Variants in AKAP19 observed in about 807,000 individuals in gnomAD.
AKAP19 encodes the protein A-kinase anchoring protein 19.
chr2:190,104,068 C>T, the AKAP19 span, among the ~76,000 whole-genome samples: 4 of 151,956 alleles, frequency 2.6e-5, no homozygotes, highest in Non-Finnish European at 5.9e-5. Context: ...ACAAAGTTGA[C>T]GAAAATAAGC....
At chr2:190,015,343 G>A in the AKAP19 span, among the ~76,000 whole-genome samples, 5 of 152,284 alleles carry the variant, frequency 3.3e-5, no homozygotes, top group Non-Finnish European at 5.9e-5. Flanking sequence ...CCACATGTAA[G>A]CCACCAAGGT....
chr2:190,041,567 G>A, the AKAP19 span, among the ~76,000 whole-genome samples: 1 of 152,174 alleles, frequency 6.6e-6, no homozygotes, highest in African/African-American at 2.4e-5. Flanking sequence ...GAATAGGAGT[G>A]GTGAGAGAGG....
At chr2:189,939,499 T>A in the AKAP19 span, among the ~76,000 whole-genome samples, 1 of 152,014 alleles carries the variant, frequency 6.6e-6, no homozygotes, top group African/African-American at 2.4e-5. Flanking sequence ...AACACTGGCA[T>A]AAATAACCTT....
At chr2:189,931,677 G>A in the AKAP19 span, among the ~76,000 whole-genome samples, 2 of 151,910 alleles carry the variant, frequency 1.3e-5, no homozygotes, top group African/African-American at 4.8e-5. Flanking sequence ...AGCCCCAAAT[G>A]TGCACAATCG....
chr2:190,147,739 GT>G, the AKAP19 span, among the ~76,000 whole-genome samples: 2 of 148,974 alleles, frequency 1.3e-5, no homozygotes, highest in African/African-American at 2.5e-5. Flanking sequence ...TATTTCTAAG[GT>G]TTTTTTTTTG....
the AKAP19 span, among the ~76,000 whole-genome samples, chr2:189,962,705 T>G: frequency 6.6e-6 from 1 of 152,174 alleles, no homozygotes; most frequent in Non-Finnish European, 1.5e-5. Flanking sequence ...TATTTTGATA[T>G]TGTTTGAACT....
At chr2:189,957,617 A>G in the AKAP19 span, among the ~76,000 whole-genome samples, 1 of 152,242 alleles carries the variant, frequency 6.6e-6, no homozygotes, top group Non-Finnish European at 1.5e-5. Flanking sequence ...ATTATATGAT[A>G]GAAACCACTA....
At chr2:190,153,364 T>C in the AKAP19 span, among the ~76,000 whole-genome samples, 4 of 152,228 alleles carry the variant, frequency 2.6e-5, no homozygotes, top group East Asian at 5.8e-4. Context: ...TATAGAAATA[T>C]ATTTTTTCCC....
chr2:190,045,154 G>T, the AKAP19 span, among the ~76,000 whole-genome samples: 1 of 152,224 alleles, frequency 6.6e-6, no homozygotes, highest in Non-Finnish European at 1.5e-5. Context: ...CACTGGCAGG[G>T]GTGGCTGGAG....
the AKAP19 span, among the ~76,000 whole-genome samples, chr2:189,976,702 G>C: frequency 2.0e-5 from 3 of 152,200 alleles, no homozygotes; most frequent in Non-Finnish European, 4.4e-5. Context: ...CAGCCTCGCT[G>C]CTGCCTTGCA....
chr2:190,197,571 ACT>A, the AKAP19 span, among the ~76,000 whole-genome samples: 20 of 151,990 alleles, frequency 1.3e-4, no homozygotes, highest in African/African-American at 4.3e-4. The surrounding 1 kb of genome is among the most constrained non-coding windows in gnomAD (Gnocchi z 4.0). Flanking sequence ...CAGAGTTGCC[ACT>A]CTCTGACTCT....
At chr2:189,930,313 G>A in the AKAP19 span, 3 of 646,224 alleles carry the variant, frequency 4.6e-6, no homozygotes, top group Admixed American at 2.6e-5. Context: ...GCTCCATGGA[G>A]GAGGGGCACG....
the AKAP19 span, among the ~76,000 whole-genome samples, chr2:190,040,368 GT>G: frequency 6.6e-6 from 1 of 152,086 alleles, no homozygotes; most frequent in East Asian, 1.9e-4. Flanking sequence ...TAATGGGGTT[GT>G]TTTTCTGTTG....
the AKAP19 span, among the ~76,000 whole-genome samples, chr2:190,069,505 C>T: frequency 6.6e-6 from 1 of 151,718 alleles, no homozygotes; most frequent in Non-Finnish European, 1.5e-5. Context: ...GTTGTAAAAC[C>T]ATTTTTAGAA....
the AKAP19 span, among the ~76,000 whole-genome samples, chr2:190,183,972 C>G: frequency 2.5e-4 from 38 of 152,030 alleles, 1 homozygote; most frequent in East Asian, 6.0e-3. Context: ...TTAAAATGAG[C>G]CTTTCTTACT....
At chr2:189,923,961 G>C in the AKAP19 span, 1 of 1,608,930 alleles carries the variant, frequency 6.2e-7, no homozygotes. Context: ...AAGGAACAGA[G>C]CAAACAAGCA....
At chr2:189,892,618 T>G in the AKAP19 span, among the ~76,000 whole-genome samples, 24 of 152,154 alleles carry the variant, frequency 1.6e-4, 1 homozygote, top group Admixed American at 1.6e-3. Context: ...TCGTCCCAGA[T>G]GGGCACCTGC....
the AKAP19 span, among the ~76,000 whole-genome samples, chr2:190,027,296 T>G: frequency 6.6e-6 from 1 of 152,220 alleles, no homozygotes; most frequent in Non-Finnish European, 1.5e-5. Context: ...GTGGTGGCTA[T>G]GTACTAGAGA....
chr2:190,063,667 T>G, the AKAP19 span, among the ~76,000 whole-genome samples: 1 of 152,164 alleles, frequency 6.6e-6, no homozygotes, highest in Admixed American at 6.6e-5. Flanking sequence ...AAGAGCATCA[T>G]GATAAAGGGG....
Sources: allele counts gnomAD v4.1 joint callset (sites outside exome capture counted in the v4.1 genomes callset), GRCh38; gene constraint gnomAD v4.1.1; non-coding constraint Gnocchi (gnomAD v3.1); transcripts MANE v1.5; gene names NCBI Gene and HGNC (gene_info 2026-07-23, HGNC 2026-07-21).